The following ABCC11 variants were observed in gnomAD, a reference collection of about 807,000 sequenced individuals.
The protein encoded by ABCC11 is ATP-binding cassette sub-family C member 11.
In ABCC11, 135 loss-of-function variants were observed where a neutral mutation model predicts 149.3. That is an observed-to-expected ratio of 0.90 (90% CI 0.79 to 1.04). The LOEUF (loss-of-function observed/expected upper bound fraction) is 1.04, where lower values mean the gene tolerates loss of function less well. ABCC11 is among the 50% of genes least tolerant of loss of function. ABCC11 has a pLI of 0.00. For missense variants in ABCC11, 1,680 were observed against 1,722.1 expected (o/e 0.98, Z 0.43); for synonymous variants, 665 against 671.4 (o/e 0.99, Z 0.15).
rs554977102 is a variant in ABCC11, at chr16:48,241,277, C to A, written c.-19+6037G>T. On this transcript the variant is annotated intron_variant, in intron 1 of 29. Coordinates refer to ENST00000356608, the MANE Select transcript of ABCC11 (RefSeq NM_001370497.1). ...TGGTATTTGGCCCCAAAATGCATAT[C>A]ATTGATCTAATCGTGAGAAACAGTA... 3.3e-5 allele frequency among the ~76,000 whole-genome samples: 5 copies of A among 152,248 alleles called. No homozygotes were observed. The East Asian group carries it at 9.6e-4, about 29-fold the overall frequency.
At chr16:48,180,213 G>C (rs1966342317) in intron 23 of ABCC11, among the ~76,000 whole-genome samples, 1 of 152,252 alleles carries the variant, frequency 6.6e-6, no homozygotes, top group Non-Finnish European at 1.5e-5. Context: ...GCCGTTGAAG[G>C]ATGAGAAGGC....
In ABCC11 at chr16:48,198,126, T is replaced by C. The variant is rs1967611108; in HGVS notation, c.2217+15A>G. The C allele has an allele frequency of 6.2e-7, 1 of 1,614,194 alleles. No homozygotes were observed. Among genetic ancestry groups the C allele is most frequent in the Non-Finnish European group, 8.5e-7 (1 of 1,180,032 alleles). ...CGTCCACCGTGGGTAGTGAGGGCAGTGGGGCAGGACTCACCGAAGTGGCTT... is the reference window on the plus strand; with the variant it reads ...CGTCCACCGTGGGTAGTGAGGGCAGCGGGGCAGGACTCACCGAAGTGGCTT... On this transcript the variant is annotated intron_variant, in intron 16 of 29. Coordinates refer to ENST00000356608, the MANE Select transcript of ABCC11 (RefSeq NM_001370497.1).
In ABCC11 at chr16:48,192,561, TC is replaced by T; in HGVS notation, c.2664del (p.Arg889GlyfsTer20). 1.2e-6 allele frequency: 2 copies of T among 1,614,266 alleles called. No individual in the cohort carries two copies. Among genetic ancestry groups the T allele is most frequent in the Non-Finnish European group, 1.7e-6 (2 of 1,180,052 alleles). ...TTGTGCAGGGCCGTGGATGCCTTCC[TC>T]GTGACCTTGGTGAAAATCCCTGAGG... ...VCSSGIFTKVTRKASTALHNK... is the reference protein window; with the variant it reads ...VCSSGIFTKVXRKASTALHNK... On this transcript the variant is annotated frameshift_variant, in exon 20 of 30. Transcript: ENST00000356608. LOFTEE classifies it high-confidence loss of function.
intron 27 of ABCC11, 78 bp downstream of exon 27, chr16:48,170,811 A>G (rs1027669253): frequency 1.3e-4 from 173 of 1,348,044 alleles, no homozygotes; most frequent in Non-Finnish European, 1.7e-4. Context: ...GGAACACCAC[A>G]TGAGAGGAGC....
intron 1 of ABCC11, among the ~76,000 whole-genome samples, chr16:48,241,651 A>G (rs1303090268): frequency 6.6e-6 from 1 of 152,258 alleles, no homozygotes; most frequent in East Asian, 1.9e-4. Context: ...ACTATACTAC[A>G]AGGCTATGGT....
intron 14 of ABCC11, among the ~76,000 whole-genome samples, chr16:48,201,474 C>CTTTTTTTTTTTTTTTT (rs560323114): frequency 4.2e-4 from 52 of 123,440 alleles, no homozygotes; most frequent in East Asian, 1.1e-3. Flanking sequence ...TTTTCTTTTT[C>CTTTTTTTTTTTTTTTT]TTTTTTTTTT....
chr16:48,199,935 C>A (rs895303256), intron 15 of ABCC11, among the ~76,000 whole-genome samples: 1 of 151,992 alleles, frequency 6.6e-6, no homozygotes, highest in African/African-American at 2.4e-5. Flanking sequence ...CTTGGCCTCC[C>A]AAAGTGCTGG....
intron 18 of ABCC11, 71 bp downstream of exon 18, chr16:48,196,161 T>C: frequency 6.6e-7 from 1 of 1,514,678 alleles, no homozygotes; most frequent in East Asian, 2.3e-5. Context: ...ACCTCACGTG[T>C]TCCAATCTGA....
intron 13 of ABCC11, 80 bp from the exon 14 acceptor site, chr16:48,203,380 C>T: frequency 7.5e-7 from 1 of 1,326,366 alleles, no homozygotes; most frequent in Non-Finnish European, 1.1e-6. Flanking sequence ...GAGGAATGGT[C>T]TTGATTTTCA....
intron 13 of ABCC11, 93 bp downstream of exon 13, chr16:48,205,320 T>C: frequency 1.3e-6 from 2 of 1,531,808 alleles, no homozygotes; most frequent in Non-Finnish European, 1.8e-6. Flanking sequence ...AGCACACAAG[T>C]GTTAGCAGTT....
Position 48,224,211 on chromosome 16 carries a change from C to A in ABCC11, c.543+71G>T. ...CTCTAACTCCTGGCATGGACTTGAA[C>A]ATGCCCGCAGTTCCATCGCTAAACC... On this transcript the variant is annotated intron_variant, in intron 5 of 29. Transcript: ENST00000356608. The A allele has an allele frequency of 2.0e-6, 3 of 1,527,314 alleles. No individual in the cohort carries two copies. The South Asian group carries it at 3.7e-5, about 19-fold the overall frequency. 94.6% of individuals were successfully genotyped at this position (1,527,314 alleles called of 1,614,324 possible).
At chr16:48,243,461 G>A in intron 1 of ABCC11, among the ~76,000 whole-genome samples, 1 of 150,570 alleles carries the variant, frequency 6.6e-6, no homozygotes, top group Non-Finnish European at 1.5e-5. Context: ...ACACCTAGGA[G>A]ATTTCATAAC....
rs764214049 is a variant in ABCC11, at chr16:48,192,728, G to A, written c.2509-11C>T. 6.2e-7 allele frequency: 1 copy of A among 1,613,848 alleles called. No individual in the cohort carries two copies. Among genetic ancestry groups the A allele is most frequent in the African/African-American group, 1.3e-5 (1 of 74,950 alleles). On this transcript the variant is annotated splice_polypyrimidine_tract_variant and intron_variant, in intron 19 of 29. Transcript: ENST00000356608. ...TCGGCTGCTATTGGTCTTCAAGAAA[G>A]AACAGGGGGTCTGACTGCAGGTGTC...
chr16:48,223,836 C>G (rs893483290), intron 5 of ABCC11: 1 of 152,970 alleles, frequency 6.5e-6, no homozygotes, highest in Non-Finnish European at 1.5e-5. Flanking sequence ...CCCAGAGTTG[C>G]TCAGCCATTT....
intron 7 of ABCC11, 75 bp downstream of exon 7, chr16:48,216,039 C>A: frequency 6.8e-7 from 1 of 1,471,312 alleles, no homozygotes; most frequent in African/African-American, 1.4e-5. Context: ...TGTTCTCACT[C>A]AGAGCTATCC....
chr16:48,228,994 G>A (rs1970259056), intron 3 of ABCC11, among the ~76,000 whole-genome samples: 1 of 151,944 alleles, frequency 6.6e-6, no homozygotes, highest in African/African-American at 2.4e-5. Flanking sequence ...AAGATGGGAA[G>A]ATGAAAATGC....
chr16:48,214,810 T>C (rs530664826), intron 9 of ABCC11, 71 bp downstream of exon 9: 228 of 1,585,358 alleles, frequency 1.4e-4, no homozygotes, highest in Middle Eastern at 1.1e-3. Flanking sequence ...TTGAGGGGCA[T>C]GGCTAAAAAA....
intron 12 of ABCC11, among the ~76,000 whole-genome samples, chr16:48,206,892 A>G (rs1259266021): frequency 6.6e-6 from 1 of 152,210 alleles, no homozygotes; most frequent in East Asian, 1.9e-4. Context: ...TAAAGGGGAA[A>G]ATGGAAAGCT....
rs925355588 is a variant in ABCC11, at chr16:48,215,310, T to C, written c.986A>G (p.His329Arg). Reference sequence around the variant, plus strand: ...CTGGTCGCTGACCTCAGATGTGTGATGCTGAGCCTTCACAGCCATTCTTGT... The same window carrying C: ...CTGGTCGCTGACCTCAGATGTGTGACGCTGAGCCTTCACAGCCATTCTTGT... ...FMTRMAVKAQ[H>R]HTSEVSDQRI... Residue 329 changes from histidine to arginine, a missense_variant, in exon 8 of 30, where the codon CAT becomes CGT. Coordinates refer to ENST00000356608, the MANE Select transcript of ABCC11 (RefSeq NM_001370497.1). 1 of 1,614,014 alleles carries C rather than the reference T, an allele frequency of 6.2e-7. No individual in the cohort carries two copies. Among genetic ancestry groups the C allele is most frequent in the African/African-American group, 1.3e-5 (1 of 74,948 alleles).
Sources: allele counts gnomAD v4.1 joint callset (sites outside exome capture counted in the v4.1 genomes callset), GRCh38; gene constraint gnomAD v4.1.1; transcripts MANE v1.5; gene names NCBI Gene and HGNC (gene_info 2026-07-23, HGNC 2026-07-21).